The following TGFB2 variants were observed in gnomAD, a reference collection of about 807,000 sequenced individuals.
The protein encoded by TGFB2 is transforming growth factor beta 2.
A neutral mutation model predicts 42.7 loss-of-function variants in TGFB2; 13 were observed. That is an observed-to-expected ratio of 0.30 (90% CI 0.20 to 0.48). The LOEUF (loss-of-function observed/expected upper bound fraction) is 0.48. Among genes scored for constraint, TGFB2 ranks in the 20% least tolerant of loss-of-function variants. The probability of loss-of-function intolerance (pLI) is 0.99; values close to 1 mark genes in which losing one functional copy is unlikely to be tolerated. For synonymous variants in TGFB2, 193 were observed against 193.6 expected, an observed-to-expected ratio of 1.00 and a Z score of 0.03; for missense variants, 390 against 517.5, an observed-to-expected ratio of 0.75 and a Z score of 2.39.
rs144093688 is a variant in TGFB2 at position 218,399,009 on chromosome 1, A to G, written c.347-6160A>G. 6.4e-3 allele frequency among the ~76,000 whole-genome samples: 976 copies of G among 152,214 alleles called. 8 individuals are homozygous for G. The highest frequency in any genetic ancestry group is 0.022 in the African/African-American group (894 of 41,522). The stretch of plus-strand genomic sequence containing the variant: ...GTGATCCTCCCACCTCAGCCTCCCA[A>G]GTAGGTGGGAGTTACAGGCACATGC... On this transcript the variant is annotated intron_variant, in intron 1 of 6. Coordinates refer to ENST00000366930, the MANE Select transcript of TGFB2 (RefSeq NM_003238.6).
In TGFB2 at chr1:218,441,406, T is replaced by G; in HGVS notation, c.*44T>G. 1 of 1,566,372 alleles carries G rather than the reference T, an allele frequency of 6.4e-7. No homozygotes were observed. Among genetic ancestry groups the G allele is most frequent in the Non-Finnish European group, 8.6e-7 (1 of 1,158,564 alleles). On this transcript the variant is annotated 3_prime_UTR_variant, in exon 7 of 7. Coordinates refer to ENST00000366930, the MANE Select transcript of TGFB2 (RefSeq NM_003238.6). ...AAGACCAAAATGACAATGATGATGA[T>G]AATGATGATGACGACGACAACGATG...
intron 1 of TGFB2, among the ~76,000 whole-genome samples, chr1:218,391,641 A>C (rs577048854): frequency 2.0e-3 from 311 of 152,344 alleles, no homozygotes; most frequent in South Asian, 0.011. Flanking sequence ...GACTTAAATC[A>C]AATAAGTATA....
rs560919860 is a variant in TGFB2, at chr1:218,437,514, C to G, written c.1086+18C>G. Reference sequence around the variant, plus strand: ...ACAGCAGGGTGAGTGTTCAGCTTACCTGTTGCCTCTGTTCTTGGGTTACCA... The same window carrying G: ...ACAGCAGGGTGAGTGTTCAGCTTACGTGTTGCCTCTGTTCTTGGGTTACCA... On this transcript the variant is annotated intron_variant, in intron 6 of 6. Coordinates refer to ENST00000366930, the MANE Select transcript of TGFB2 (RefSeq NM_003238.6). 1 of 1,598,400 alleles carries G rather than the reference C, an allele frequency of 6.3e-7. No individual in the cohort carries two copies. The highest frequency in any genetic ancestry group is 1.1e-5 in the South Asian group (1 of 87,380).
At chr1:218,384,347 G>A (rs1218678307) in intron 1 of TGFB2, among the ~76,000 whole-genome samples, 1 of 152,166 alleles carries the variant, frequency 6.6e-6, no homozygotes, top group Non-Finnish European at 1.5e-5. Flanking sequence ...GAAAGCCTTA[G>A]AAAAACAAGC....
chr1:218,416,874 C>G (rs1470976170), intron 2 of TGFB2, among the ~76,000 whole-genome samples: 1 of 152,116 alleles, frequency 6.6e-6, no homozygotes, highest in Non-Finnish European at 1.5e-5. Context: ...TAGAGGTGGT[C>G]CCCCGCACAA....
At chr1:218,416,309 G>A (rs1226402932) in intron 2 of TGFB2, among the ~76,000 whole-genome samples, 1 of 150,040 alleles carries the variant, frequency 6.7e-6, no homozygotes, top group Non-Finnish European at 1.5e-5. Context: ...TTTTCATGTT[G>A]TAAATGTTCA....
intron 2 of TGFB2, among the ~76,000 whole-genome samples, chr1:218,424,986 C>G (rs4846478): frequency 0.33 from 50,269 of 152,054 alleles, 9,053 homozygotes; most frequent in East Asian, 0.7. Flanking sequence ...ACACCTTGAA[C>G]TTTTGCCTTA....
intron 1 of TGFB2, among the ~76,000 whole-genome samples, chr1:218,367,236 C>T (rs572829874): frequency 6.6e-5 from 10 of 152,236 alleles, no homozygotes; most frequent in East Asian, 1.9e-4. Context: ...TTGGCCAAAG[C>T]GCTGCTGACC....
At position 218,441,892 on chromosome 1, in the gene TGFB2, A is replaced by G. The variant is rs1660165788; in HGVS notation, c.*530A>G. 6.6e-6 allele frequency: 1 copy of G among 152,276 alleles called. No homozygotes were observed. The highest frequency in any genetic ancestry group is 1.5e-5 in the Non-Finnish European group (1 of 68,082). 9.4% of individuals were successfully genotyped at this position (152,276 alleles called of 1,614,324 possible). On this transcript the variant is annotated 3_prime_UTR_variant, in exon 7 of 7. Coordinates refer to ENST00000366930, the MANE Select transcript of TGFB2 (RefSeq NM_003238.6). ...TGCCCTTGGAAAATAAAACAGGTGT[A>G]TAAAGTGGAGACCAAATACTTTGCC...
intron 2 of TGFB2, among the ~76,000 whole-genome samples, chr1:218,416,283 A>G (rs1195253032): frequency 6.6e-6 from 1 of 150,704 alleles, no homozygotes; most frequent in Non-Finnish European, 1.5e-5. Flanking sequence ...TTGATTTTTA[A>G]TAAGGTTCCT....
chr1:218,366,454 G>C (rs1019569002), intron 1 of TGFB2, among the ~76,000 whole-genome samples: 16 of 152,100 alleles, frequency 1.1e-4, no homozygotes, highest in Admixed American at 1.0e-3. Flanking sequence ...CCACAAGTGT[G>C]CACCACCACA....
chr1:218,397,886 AG>A (rs1310881762), intron 1 of TGFB2, among the ~76,000 whole-genome samples: 3 of 152,220 alleles, frequency 2.0e-5, no homozygotes, highest in Non-Finnish European at 4.4e-5. Flanking sequence ...CAAAACCTCC[AG>A]GCCACTACCA....
rs147631446 is a variant in TGFB2 at position 218,428,739 on chromosome 1, C to G, written c.511-5343C>G. On this transcript the variant is annotated intron_variant, in intron 2 of 6. Coordinates refer to ENST00000366930, the MANE Select transcript of TGFB2 (RefSeq NM_003238.6). ...CACCATGCTTTTTTGGTTACTGTAGCCTTGTAGTATAGTTTGAAGTCAGGT... is the reference window on the plus strand; with the variant it reads ...CACCATGCTTTTTTGGTTACTGTAGGCTTGTAGTATAGTTTGAAGTCAGGT... 5.8e-4 allele frequency among the ~76,000 whole-genome samples: 89 copies of G among 152,202 alleles called. 1 individual carries two copies. The East Asian group carries it at 0.016, about 27-fold the overall frequency.
At chr1:218,440,890 A>G (rs538031328) in intron 6 of TGFB2, among the ~76,000 whole-genome samples, 37 of 152,216 alleles carry the variant, frequency 2.4e-4, no homozygotes, top group Non-Finnish European at 4.0e-4. Flanking sequence ...GCAGCCAAGC[A>G]CTGATCAGAG....
intron 1 of TGFB2, among the ~76,000 whole-genome samples, chr1:218,373,405 CTAATATGATTAG>C (rs1457411433): frequency 7.9e-5 from 12 of 151,414 alleles, no homozygotes; most frequent in Non-Finnish European, 1.3e-4. Flanking sequence ...AATAATATGA[CTAATATGATTAG>C]TAATATGATT....
At chr1:218,379,172 A>G (rs534053058) in intron 1 of TGFB2, among the ~76,000 whole-genome samples, 39 of 138,062 alleles carry the variant, frequency 2.8e-4, no homozygotes, top group Middle Eastern at 4.2e-3. Flanking sequence ...TCACTCTGTC[A>G]CCCAGGCTGG....
intron 1 of TGFB2, among the ~76,000 whole-genome samples, chr1:218,352,282 G>A (rs920167758): frequency 6.6e-6 from 1 of 152,176 alleles, no homozygotes; most frequent in Admixed American, 6.5e-5. Context: ...GGATTTGCCA[G>A]ATGTGCTTGC....
At chr1:218,388,755 C>T (rs1658220771) in intron 1 of TGFB2, among the ~76,000 whole-genome samples, 3 of 152,228 alleles carry the variant, frequency 2.0e-5, no homozygotes, top group Admixed American at 1.3e-4. Flanking sequence ...GAGGAAGATA[C>T]TTCCGCTCTC....
At chr1:218,359,297 G>A (rs530521245) in intron 1 of TGFB2, among the ~76,000 whole-genome samples, 1 of 152,156 alleles carries the variant, frequency 6.6e-6, no homozygotes, top group African/African-American at 2.4e-5. Context: ...AAGTTGTTTT[G>A]GATAGTAATT....
Sources: gnomAD v4.1 joint callset for allele counts (sites outside exome capture counted in the v4.1 genomes callset) on GRCh38, gnomAD v4.1.1 for gene constraint, MANE v1.5 for transcripts, NCBI Gene and HGNC (gene_info 2026-07-23, HGNC 2026-07-21) for gene names.